PTPRM: variants seen among roughly 807,000 people sequenced by gnomAD.
The protein encoded by PTPRM is protein tyrosine phosphatase receptor type M, also known as receptor-type tyrosine-protein phosphatase mu.
In PTPRM, 47 loss-of-function variants were observed where a neutral mutation model predicts 186.7. That is an observed-to-expected ratio of 0.25 (90% CI 0.20 to 0.32). PTPRM has a LOEUF of 0.32. PTPRM is among the 10% of genes least tolerant of loss of function. PTPRM has a pLI of 1.00. For missense variants in PTPRM, 1,494 were observed against 1,865.0 expected (o/e 0.80, Z 3.66); for synonymous variants, 668 against 674.9 (o/e 0.99, Z 0.16).
intron 14 of PTPRM, among the ~76,000 whole-genome samples, chr18:8,165,728 T>C (rs567639038): frequency 6.6e-6 from 1 of 152,168 alleles, no homozygotes; most frequent in South Asian, 2.1e-4. Context: ...TCTTCTTTAC[T>C]AGTAACAGTG....
At chr18:8,172,705 A>C (rs991962954) in intron 14 of PTPRM, among the ~76,000 whole-genome samples, 5 of 152,100 alleles carry the variant, frequency 3.3e-5, no homozygotes, top group Non-Finnish European at 5.9e-5. Flanking sequence ...AAGAAAAAAA[A>C]AAAAGAAAAA....
At position 7,567,954 on chromosome 18, in the gene PTPRM, C is replaced by CCGG; in HGVS notation, c.73+63_73+64insCGG. On this transcript the variant is annotated intron_variant, in intron 1 of 32. Coordinates refer to ENST00000580170, the MANE Select transcript of PTPRM (RefSeq NM_001105244.2). The surrounding 1 kb of genome is among the most constrained non-coding windows in gnomAD (Gnocchi z 4.3). ...GGCCGGCGCGGGACGCCCGGGACGC[C>CCGG]GACAGCTCCCTGGTGGTAGAGCCCT... 3.3e-5 allele frequency: 49 copies of CCGG among 1,468,134 alleles called. No individual in the cohort carries two copies. The Admixed American group carries it at 6.7e-4, about 20-fold the overall frequency. The allele number at this position is 1,468,134 out of a possible 1,614,324, so 90.9% of individuals were successfully genotyped here. A position where few individuals can be genotyped will look rare whatever the true frequency, so the allele number is the denominator to read the frequency against.
intron 7 of PTPRM, among the ~76,000 whole-genome samples, chr18:8,006,796 A>G (rs2084214765): frequency 6.6e-6 from 1 of 152,248 alleles, no homozygotes; most frequent in Admixed American, 6.5e-5. Context: ...AAAGATGCAC[A>G]GGCAAAGTGG....
intron 19 of PTPRM, among the ~76,000 whole-genome samples, chr18:8,286,230 C>G (rs2094955576): frequency 1.3e-5 from 2 of 152,148 alleles, no homozygotes; most frequent in Non-Finnish European, 2.9e-5. Context: ...GTTGCAACTT[C>G]CCAATTTCAA....
intron 1 of PTPRM, among the ~76,000 whole-genome samples, chr18:7,599,451 C>T (rs2037346108): frequency 6.6e-6 from 1 of 152,190 alleles, no homozygotes; most frequent in Admixed American, 6.5e-5. Context: ...ACTAAAAGTA[C>T]TATATGGAAA....
At chr18:8,150,179 G>C (rs574209929) in intron 14 of PTPRM, among the ~76,000 whole-genome samples, 1 of 152,096 alleles carries the variant, frequency 6.6e-6, no homozygotes, top group Admixed American at 6.6e-5. Context: ...TCCTGAAATT[G>C]AATGTTAGCC....
intron 7 of PTPRM, among the ~76,000 whole-genome samples, chr18:7,997,294 A>G (rs895101289): frequency 3.3e-5 from 5 of 152,204 alleles, no homozygotes; most frequent in African/African-American, 1.2e-4. Context: ...GGGAGATGAC[A>G]GTCTCTTCAA....
intron 13 of PTPRM, among the ~76,000 whole-genome samples, chr18:8,133,351 A>C (rs1332235992): frequency 1.3e-5 from 2 of 152,198 alleles, no homozygotes; most frequent in Non-Finnish European, 2.9e-5. Flanking sequence ...GCTCATGTTC[A>C]AACATCTTCC....
chr18:7,706,601 C>CAAAAAAAAAAAAA (rs766639399), intron 1 of PTPRM, among the ~76,000 whole-genome samples: 8 of 16,130 alleles, frequency 5.0e-4, no homozygotes, highest in East Asian at 2.2e-3. Flanking sequence ...GACCTTGTCT[C>CAAAAAAAAAAAAA]AAAAAAAAAA....
intron 1 of PTPRM, among the ~76,000 whole-genome samples, chr18:7,753,493 C>A (rs1449162724): frequency 6.6e-6 from 1 of 152,046 alleles, no homozygotes; most frequent in African/African-American, 2.4e-5. Context: ...TTTCTCGAAG[C>A]CTTAGTTTGC....
rs1283635967 is a variant in PTPRM at position 7,827,770 on chromosome 18, CATGTCA to C, written c.196+53502_196+53507del. 2.6e-5 allele frequency among the ~76,000 whole-genome samples: 4 copies of C among 152,152 alleles called. No individual in the cohort carries two copies. In the East Asian group the frequency reaches 7.7e-4, roughly 29 times the overall value. On this transcript the variant is annotated intron_variant, in intron 2 of 32. Coordinates refer to ENST00000580170, the MANE Select transcript of PTPRM (RefSeq NM_001105244.2). ...GATTTCCCATGTGAGCACGTGTGCCCATGTCAATACATTTATATATCCATAGTGGAC... is the reference window on the plus strand; with the variant it reads ...GATTTCCCATGTGAGCACGTGTGCCCATACATTTATATATCCATAGTGGAC...
rs574162438 is a variant in PTPRM at position 8,123,413 on chromosome 18, T to C, written c.2167+8586T>C. ...ATGTTTAAGTTGTTCTGTGAACTTATTATTTTGGACAGTAAAGAAAACTAA... is the reference window on the plus strand; with the variant it reads ...ATGTTTAAGTTGTTCTGTGAACTTACTATTTTGGACAGTAAAGAAAACTAA... On this transcript the variant is annotated intron_variant, in intron 13 of 32. Transcript: ENST00000580170. Among the ~76,000 whole-genome samples, 298 of 152,330 alleles carry C rather than the reference T, an allele frequency of 2.0e-3. 1 individual carries two copies. The highest frequency in any genetic ancestry group is 6.9e-3 in the African/African-American group (285 of 41,576).
intron 6 of PTPRM, among the ~76,000 whole-genome samples, chr18:7,952,829 A>G (rs1166616808): frequency 6.6e-6 from 1 of 152,104 alleles, no homozygotes; most frequent in Non-Finnish European, 1.5e-5. Context: ...AACATGGTGA[A>G]ACTCCATTTC....
chr18:7,983,237 G>A (rs1159711170), intron 7 of PTPRM, among the ~76,000 whole-genome samples: 2 of 151,996 alleles, frequency 1.3e-5, no homozygotes, highest in South Asian at 4.2e-4. Context: ...GATTTTCGTG[G>A]GAGTGCAAAC....
intron 14 of PTPRM, among the ~76,000 whole-genome samples, chr18:8,222,308 G>A (rs1470348955): frequency 3.9e-5 from 6 of 152,242 alleles, no homozygotes; most frequent in African/African-American, 1.2e-4. Context: ...ACAAAATTAA[G>A]CCATTAGGGA....
rs116540505 is a variant in PTPRM at position 7,897,150 on chromosome 18, C to T, written c.468+8773C>T. ...TGGGTTAAACAAAGTAGAACTGCTT[C>T]GTTCTGCAGGCCATTTCGGAGGCTA... On this transcript the variant is annotated intron_variant, in intron 3 of 32. Coordinates refer to ENST00000580170, the MANE Select transcript of PTPRM (RefSeq NM_001105244.2). Among the ~76,000 whole-genome samples, 1,194 of 152,264 alleles carry T rather than the reference C, an allele frequency of 7.8e-3. 17 individuals carry two copies. The highest frequency in any genetic ancestry group is 0.027 in the African/African-American group (1,131 of 41,554).
chr18:7,759,201 T>C (rs1280782854), intron 1 of PTPRM, among the ~76,000 whole-genome samples: 2 of 152,200 alleles, frequency 1.3e-5, no homozygotes, highest in Admixed American at 6.5e-5. Flanking sequence ...GATGCACAAG[T>C]GTTTATTCTC....
At chr18:7,663,837 C>T (rs939057893) in intron 1 of PTPRM, among the ~76,000 whole-genome samples, 4 of 152,200 alleles carry the variant, frequency 2.6e-5, no homozygotes, top group Non-Finnish European at 2.9e-5. Flanking sequence ...CCGTCATAGG[C>T]ACCTGGGGGT....
At chr18:8,352,653 GT>G (rs1355276752) in intron 23 of PTPRM, among the ~76,000 whole-genome samples, 2 of 121,346 alleles carry the variant, frequency 1.6e-5, no homozygotes, top group Admixed American at 8.2e-5. Flanking sequence ...TTTTGGTTTG[GT>G]TTTTTTTGTT....
Sources: gnomAD v4.1 joint callset for allele counts (sites outside exome capture counted in the v4.1 genomes callset) on GRCh38, gnomAD v4.1.1 for gene constraint, Gnocchi (gnomAD v3.1) non-coding constraint, MANE v1.5 for transcripts, NCBI Gene and HGNC (gene_info 2026-07-23, HGNC 2026-07-21) for gene names.